PTPRR: variants seen among roughly 807,000 people sequenced by gnomAD.
The protein encoded by PTPRR is receptor-type tyrosine-protein phosphatase R.
In PTPRR, 38 loss-of-function variants were observed where a neutral mutation model predicts 77.2. That is an observed-to-expected ratio of 0.49 (90% CI 0.38 to 0.65). The LOEUF is 0.65. Ranked by LOEUF, PTPRR falls within the 30% of genes least tolerant of loss-of-function variation. The pLI is 0.00. For missense variants in PTPRR, 744 were observed against 799.2 expected (o/e 0.93, Z 0.83); for synonymous variants, 299 against 283.1 (o/e 1.06, Z -0.57).
Position 70,799,042 on chromosome 12 carries a change from G to A in PTPRR, c.358-34264C>T, listed in dbSNP as rs182473924. The stretch of plus-strand genomic sequence containing the variant: ...TAGTCTAAGGACCTTGGTAGAAGAA[G>A]TATAAGGGGCTCCATAAGCAATCTT... On this transcript the variant is annotated intron_variant, in intron 2 of 13. Coordinates refer to ENST00000283228, the MANE Select transcript of PTPRR (RefSeq NM_002849.4). 9.9e-5 allele frequency among the ~76,000 whole-genome samples: 15 copies of A among 152,228 alleles called. 1 individual carries two copies. In the East Asian group the frequency reaches 2.9e-3, roughly 29 times the overall value.
chr12:70,687,760 T>C (rs913306215), intron 8 of PTPRR, among the ~76,000 whole-genome samples: 5 of 152,172 alleles, frequency 3.3e-5, no homozygotes, highest in Non-Finnish European at 7.4e-5. Context: ...GAACAAGGAA[T>C]TGTGGTCCTA....
chr12:70,652,361 G>A (rs1367503413), intron 13 of PTPRR, among the ~76,000 whole-genome samples: 1 of 152,152 alleles, frequency 6.6e-6, no homozygotes, highest in East Asian at 1.9e-4. Flanking sequence ...TTTCTGTTCT[G>A]CTTTTCATAA....
intron 2 of PTPRR, among the ~76,000 whole-genome samples, chr12:70,883,518 C>G (rs568733549): frequency 2.6e-5 from 4 of 152,184 alleles, no homozygotes; most frequent in Non-Finnish European, 5.9e-5. Context: ...ACATTCCCCC[C>G]TAGTTCTCTC....
intron 10 of PTPRR, chr12:70,672,721 T>C: frequency 6.5e-7 from 1 of 1,542,180 alleles, no homozygotes; most frequent in Non-Finnish European, 8.8e-7. Context: ...GTTTGTCACC[T>C]TTTACCCAGG....
intron 2 of PTPRR, chr12:70,788,936 G>C: frequency 4.2e-6 from 6 of 1,424,116 alleles, no homozygotes; most frequent in Non-Finnish European, 5.5e-6. Context: ...TGTGTGCTGA[G>C]ATGAAGCCTC....
chr12:70,680,311 A>G (rs1046292334), intron 10 of PTPRR, among the ~76,000 whole-genome samples: 66 of 151,954 alleles, frequency 4.3e-4, no homozygotes, highest in Non-Finnish European at 1.0e-4. Context: ...TTTTTCATGT[A>G]TCTTGTATCC....
At chr12:70,717,827 A>G (rs11178377) in intron 6 of PTPRR, among the ~76,000 whole-genome samples, 42,005 of 152,110 alleles carry the variant, frequency 0.28, 6,296 homozygotes, top group South Asian at 0.44. Context: ...GGAGTTTCCA[A>G]ACTGACTAGA....
At chr12:70,723,616 A>G (rs114395007) in intron 6 of PTPRR, among the ~76,000 whole-genome samples, 98 of 152,324 alleles carry the variant, frequency 6.4e-4, no homozygotes, top group African/African-American at 2.2e-3. Context: ...CACAGATTAA[A>G]TATTACAAAT....
intron 10 of PTPRR, among the ~76,000 whole-genome samples, chr12:70,671,619 C>T (rs1887227039): frequency 6.6e-6 from 1 of 152,190 alleles, no homozygotes; most frequent in African/African-American, 2.4e-5. Flanking sequence ...TTTGGCTCTC[C>T]TGTAAAGACT....
intron 2 of PTPRR, among the ~76,000 whole-genome samples, chr12:70,854,598 G>GCTA (rs1168673883): frequency 6.6e-6 from 1 of 152,180 alleles, no homozygotes; most frequent in African/African-American, 2.4e-5. Flanking sequence ...TGATGCTAAT[G>GCTA]ATCTATTTTC....
At chr12:70,776,560 C>T (rs964833930) in intron 2 of PTPRR, among the ~76,000 whole-genome samples, 1 of 152,090 alleles carries the variant, frequency 6.6e-6, no homozygotes, top group African/African-American at 2.4e-5. Flanking sequence ...CAGTCTTAAC[C>T]TCTTACACCT....
At chr12:70,655,671 C>T (rs1474110166) in intron 13 of PTPRR, among the ~76,000 whole-genome samples, 5 of 152,106 alleles carry the variant, frequency 3.3e-5, no homozygotes, top group South Asian at 2.1e-4. Flanking sequence ...ACTCCACTTA[C>T]GTAAAAGGTG....
intron 2 of PTPRR, among the ~76,000 whole-genome samples, chr12:70,767,179 G>A (rs1246987306): frequency 6.6e-6 from 1 of 151,986 alleles, no homozygotes; most frequent in Non-Finnish European, 1.5e-5. Flanking sequence ...AACTTTAAAT[G>A]TAAATGGACT....
chr12:70,778,056 T>C (rs546421108), intron 2 of PTPRR, among the ~76,000 whole-genome samples: 1 of 152,252 alleles, frequency 6.6e-6, no homozygotes, highest in Non-Finnish European at 1.5e-5. Context: ...TGTTTTTCAG[T>C]TGGGTTTCAT....
chr12:70,747,841 G>GAA (rs1166445769), intron 5 of PTPRR, among the ~76,000 whole-genome samples: 1 of 152,150 alleles, frequency 6.6e-6, no homozygotes, highest in East Asian at 1.9e-4. Context: ...TGGGCTGTCT[G>GAA]AAAAAATATG....
intron 10 of PTPRR, among the ~76,000 whole-genome samples, chr12:70,674,603 A>T (rs1887374175): frequency 6.6e-6 from 1 of 152,146 alleles, no homozygotes; most frequent in African/African-American, 2.4e-5. Context: ...ATCGAAGCAT[A>T]TATGTACAGT....
intron 6 of PTPRR, among the ~76,000 whole-genome samples, chr12:70,719,337 A>G (rs945685764): frequency 5.9e-5 from 9 of 152,046 alleles, no homozygotes; most frequent in African/African-American, 2.2e-4. Context: ...CGGGAACCCA[A>G]AGTTCACGAA....
intron 1 of PTPRR, among the ~76,000 whole-genome samples, chr12:70,918,222 C>T (rs1330439406): frequency 6.6e-6 from 1 of 152,090 alleles, no homozygotes; most frequent in Non-Finnish European, 1.5e-5. Flanking sequence ...CAGCTTGTGA[C>T]CCACAAATTG....
At chr12:70,872,125 T>C (rs1216871046) in intron 2 of PTPRR, among the ~76,000 whole-genome samples, 1 of 151,554 alleles carries the variant, frequency 6.6e-6, no homozygotes, top group Admixed American at 6.6e-5. Flanking sequence ...CCACATTTAG[T>C]TTTTTTTTCT....
Sources: allele counts gnomAD v4.1 joint callset (sites outside exome capture counted in the v4.1 genomes callset), GRCh38; gene constraint gnomAD v4.1.1; transcripts MANE v1.5; gene names NCBI Gene and HGNC (gene_info 2026-07-23, HGNC 2026-07-21).